ANGPT1: variants seen among roughly 807,000 people sequenced by gnomAD.
ANGPT1 encodes the protein angiopoietin-1.
Under a neutral mutation model 62.2 loss-of-function variants are expected in ANGPT1, and 17 were observed. That is an observed-to-expected ratio of 0.27 (90% CI 0.19 to 0.41). The LOEUF (loss-of-function observed/expected upper bound fraction) is 0.41, where lower values mean the gene tolerates loss of function less well. ANGPT1 is among the 10% of genes least tolerant of loss of function. The pLI is 1.00. For synonymous variants in ANGPT1, 199 were observed against 198.9 expected, an observed-to-expected ratio of 1.00 and a Z score of 0.00; for missense variants, 478 against 594.9, an observed-to-expected ratio of 0.80 and a Z score of 2.04.
chr8:107,350,314 C>T (rs955635853), intron 1 of ANGPT1, among the ~76,000 whole-genome samples: 4 of 152,096 alleles, frequency 2.6e-5, no homozygotes, highest in Non-Finnish European at 5.9e-5. Context: ...AATCAGTGAG[C>T]TCCAATACAA....
rs984735192 is a variant in ANGPT1, at chr8:107,251,095, G to A, written c.*760C>T. The A allele has an allele frequency of 1.3e-5, 2 of 151,798 alleles. No individual in the cohort carries two copies. The highest frequency in any genetic ancestry group is 4.8e-5 in the African/African-American group (2 of 41,322). The allele number at this position is 151,798 out of a possible 1,614,324, so 9.4% of individuals were successfully genotyped here. A position where few individuals can be genotyped will look rare whatever the true frequency, so the allele number is the denominator to read the frequency against. On this transcript the variant is annotated 3_prime_UTR_variant, in exon 9 of 9. Coordinates refer to ENST00000517746, the MANE Select transcript of ANGPT1 (RefSeq NM_001146.5). ...GAGTAAATGAAAACCATAGTATGGG[G>A]GTGGTAAGTTTTCACCACATACATC... is the stretch of plus-strand genomic sequence containing the variant.
At chr8:107,492,049 G>GTT (rs140960967) in intron 1 of ANGPT1, among the ~76,000 whole-genome samples, 4 of 151,790 alleles carry the variant, frequency 2.6e-5, no homozygotes, top group South Asian at 2.1e-4. Flanking sequence ...GTCTGAAAGG[G>GTT]TTTTTTTTGG....
chr8:107,383,130 CT>C (rs1478226360), intron 1 of ANGPT1, among the ~76,000 whole-genome samples: 4 of 152,176 alleles, frequency 2.6e-5, no homozygotes, highest in African/African-American at 9.7e-5. Context: ...AGATCCCTTT[CT>C]GTCTGACCAC....
At chr8:107,458,741 A>T (rs912375311) in intron 1 of ANGPT1, among the ~76,000 whole-genome samples, 5 of 152,202 alleles carry the variant, frequency 3.3e-5, no homozygotes, top group Admixed American at 6.5e-5. Context: ...AACACATTGA[A>T]CATGAGCCCA....
chr8:107,473,692 A>T (rs1263704431), intron 1 of ANGPT1, among the ~76,000 whole-genome samples: 2 of 152,090 alleles, frequency 1.3e-5, no homozygotes, highest in East Asian at 3.9e-4. Context: ...TGTATGTAAC[A>T]CTAATGGAAC....
Position 107,497,701 on chromosome 8 carries a change from T to C in ANGPT1, c.-143A>G. 2 of 879,440 alleles carry C rather than the reference T, an allele frequency of 2.3e-6. No individual in the cohort carries two copies. The highest frequency in any genetic ancestry group is 2.7e-5 in the East Asian group (1 of 36,854). The allele number at this position is 879,440 out of a possible 1,614,324, so 54.5% of individuals were successfully genotyped here. Reference sequence around the variant, plus strand: ...AAAGAAAGCGTTTGAAGAAGAATCATAGAAAACTAGCCATTTGTTAGCTTT... The same window carrying C: ...AAAGAAAGCGTTTGAAGAAGAATCACAGAAAACTAGCCATTTGTTAGCTTT... On this transcript the variant is annotated 5_prime_UTR_variant, in exon 1 of 9. It removes an upstream start codon present in the reference 5' UTR. Coordinates refer to ENST00000517746, the MANE Select transcript of ANGPT1 (RefSeq NM_001146.5).
intron 2 of ANGPT1, 89 bp from the exon 3 acceptor site, chr8:107,336,360 A>C: frequency 1.3e-6 from 2 of 1,482,358 alleles, no homozygotes; most frequent in Non-Finnish European, 1.8e-6. Flanking sequence ...TATTTTTTCA[A>C]GAATAATTTA....
At chr8:107,423,462 C>G (rs966770306) in intron 1 of ANGPT1, among the ~76,000 whole-genome samples, 1 of 152,072 alleles carries the variant, frequency 6.6e-6, no homozygotes, top group Non-Finnish European at 1.5e-5. Flanking sequence ...CCTGGGCCCC[C>G]GAAAGGCCAT....
chr8:107,426,622 T>A (rs1324559657), intron 1 of ANGPT1, among the ~76,000 whole-genome samples: 1 of 152,190 alleles, frequency 6.6e-6, no homozygotes, highest in Non-Finnish European at 1.5e-5. Flanking sequence ...GACTTTGATC[T>A]TCTAGGAGGG....
chr8:107,472,456 A>T (rs1043145957), intron 1 of ANGPT1, among the ~76,000 whole-genome samples: 2 of 152,080 alleles, frequency 1.3e-5, no homozygotes, highest in African/African-American at 4.8e-5. Flanking sequence ...TGAAGAAGGG[A>T]ATCTTAAAGC....
intron 3 of ANGPT1, among the ~76,000 whole-genome samples, chr8:107,329,935 T>A (rs1165909984): frequency 6.6e-6 from 1 of 152,026 alleles, no homozygotes; most frequent in Admixed American, 6.6e-5. Context: ...TATAATGTGA[T>A]CAGATAAGTG....
At chr8:107,474,204 C>G (rs1470005873) in intron 1 of ANGPT1, among the ~76,000 whole-genome samples, 1 of 88,224 alleles carries the variant, frequency 1.1e-5, no homozygotes, top group Admixed American at 1.2e-4. Context: ...TACTGGCAAA[C>G]CGAATCCAGC....
chr8:107,445,573 A>T (rs1811595691), intron 1 of ANGPT1, among the ~76,000 whole-genome samples: 1 of 152,226 alleles, frequency 6.6e-6, no homozygotes, highest in Non-Finnish European at 1.5e-5. Flanking sequence ...CAATCTGTTC[A>T]CACATCAGTG....
At position 107,326,021 on chromosome 8, in the gene ANGPT1, TATATA is replaced by T. The variant is rs1172287633; in HGVS notation, c.576-3898_576-3894del. Reference sequence around the variant, plus strand: ...TAAAAGGAATACATAATATGTATAATATATAATATAACGCACATTAGCACGTTAGA... The same window carrying T: ...TAAAAGGAATACATAATATGTATAATATATAACGCACATTAGCACGTTAGA... On this transcript the variant is annotated intron_variant, in intron 3 of 8. Transcript: ENST00000517746. 3.9e-5 allele frequency among the ~76,000 whole-genome samples: 6 copies of T among 152,266 alleles called. No homozygotes were observed. In the South Asian group the frequency reaches 8.3e-4, roughly 21 times the overall value.
intron 7 of ANGPT1, among the ~76,000 whole-genome samples, chr8:107,266,266 AC>A (rs1311493544): frequency 2.2e-4 from 34 of 152,312 alleles, no homozygotes; most frequent in African/African-American, 7.7e-4. Flanking sequence ...TGAATTCGCC[AC>A]CTTCCAGAGC....
chr8:107,384,743 T>C (rs1468837833), intron 1 of ANGPT1, among the ~76,000 whole-genome samples: 1 of 152,066 alleles, frequency 6.6e-6, no homozygotes, highest in Non-Finnish European at 1.5e-5. Flanking sequence ...TCTTCTAGGG[T>C]TTTCTAGTTT....
intron 1 of ANGPT1, among the ~76,000 whole-genome samples, chr8:107,489,672 A>G (rs1341438919): frequency 6.6e-6 from 1 of 152,188 alleles, no homozygotes; most frequent in Non-Finnish European, 1.5e-5. Context: ...CTCCAAATGT[A>G]AAGAGAAGAT....
At chr8:107,358,550 A>C (rs1816098566) in intron 1 of ANGPT1, among the ~76,000 whole-genome samples, 1 of 152,150 alleles carries the variant, frequency 6.6e-6, no homozygotes, top group South Asian at 2.1e-4. Flanking sequence ...CATACACCAC[A>C]AGAGAATGAA....
At chr8:107,464,574 A>G (rs1431761458) in intron 1 of ANGPT1, among the ~76,000 whole-genome samples, 2 of 152,236 alleles carry the variant, frequency 1.3e-5, no homozygotes, top group South Asian at 2.1e-4. Context: ...CTAGAAAAAT[A>G]GCATAAGGTA....
Sources: allele counts gnomAD v4.1 joint callset (sites outside exome capture counted in the v4.1 genomes callset), GRCh38; gene constraint gnomAD v4.1.1; transcripts MANE v1.5; gene names NCBI Gene and HGNC (gene_info 2026-07-23, HGNC 2026-07-21).